Variants in MAST4 observed in about 807,000 individuals in gnomAD.
The protein encoded by MAST4 is microtubule associated serine/threonine kinase family member 4, also known as microtubule-associated serine/threonine-protein kinase 4.
MAST4 carries 89 observed loss-of-function variants against 162.7 expected under a neutral mutation model. The observed-to-expected ratio is 0.55, with a 90% CI of 0.46 to 0.65. MAST4 has a LOEUF of 0.65. Ranked by LOEUF, MAST4 falls within the 30% of genes least tolerant of loss-of-function variation. The probability of loss-of-function intolerance (pLI) is 0.00; values close to 1 mark genes in which losing one functional copy is unlikely to be tolerated. For synonymous variants in MAST4, 1,479 were observed against 1,361.1 expected, an observed-to-expected ratio of 1.09 and a Z score of -1.91; for missense variants, 3,153 against 3,374.0, an observed-to-expected ratio of 0.93 and a Z score of 1.62.
At chr5:66,869,196 A>C (rs921820257) in intron 3 of MAST4, among the ~76,000 whole-genome samples, 2 of 152,158 alleles carry the variant, frequency 1.3e-5, no homozygotes, top group African/African-American at 4.8e-5. Context: ...AACTTCTTTT[A>C]GGGGGAAAAA....
intron 1 of MAST4, among the ~76,000 whole-genome samples, chr5:66,689,658 C>T (rs149849505): frequency 3.8e-3 from 574 of 152,242 alleles, no homozygotes; most frequent in Admixed American, 6.2e-3. Flanking sequence ...GTCCAATGTA[C>T]GCTGGTTACC....
At chr5:66,711,218 C>G (rs1387258264) in intron 1 of MAST4, among the ~76,000 whole-genome samples, 1 of 152,138 alleles carries the variant, frequency 6.6e-6, no homozygotes, top group African/African-American at 2.4e-5. Context: ...TATTATTTAC[C>G]TATTGTGATT....
chr5:67,073,586 A>G (rs765534623), intron 5 of MAST4, among the ~76,000 whole-genome samples: 1 of 152,206 alleles, frequency 6.6e-6, no homozygotes, highest in African/African-American at 2.4e-5. Flanking sequence ...AACTCAGTAG[A>G]TACAATTAGC....
At chr5:66,829,628 G>A (rs933518353) in intron 3 of MAST4, among the ~76,000 whole-genome samples, 1 of 151,982 alleles carries the variant, frequency 6.6e-6, no homozygotes, top group Non-Finnish European at 1.5e-5. Context: ...ATAACTCTTT[G>A]TCCTGTATAT....
intron 4 of MAST4, among the ~76,000 whole-genome samples, chr5:67,047,043 G>A (rs1309339139): frequency 1.3e-5 from 2 of 152,158 alleles, no homozygotes; most frequent in Non-Finnish European, 2.9e-5. Context: ...TTTTGAGGCT[G>A]TACAAAAGAG....
chr5:66,982,795 C>T (rs1749026582), intron 4 of MAST4, among the ~76,000 whole-genome samples: 1 of 152,214 alleles, frequency 6.6e-6, no homozygotes, highest in South Asian at 2.1e-4. Context: ...TTTTCTCCCT[C>T]ATTAAAGTGC....
chr5:67,093,635 A>T (rs1193177612), intron 6 of MAST4: 2 of 465,676 alleles, frequency 4.3e-6, no homozygotes, highest in Non-Finnish European at 8.7e-6. Flanking sequence ...TTCTGGAGCA[A>T]GCAAATGTAA....
intron 3 of MAST4, among the ~76,000 whole-genome samples, chr5:66,840,534 T>A (rs1436111290): frequency 8.0e-6 from 1 of 125,494 alleles, no homozygotes; most frequent in Non-Finnish European, 1.7e-5. Context: ...TTACTTCCTG[T>A]AATAGACATG....
rs978268284 is a variant in MAST4 at position 66,596,518 on chromosome 5, G to T, written c.-138G>T. On this transcript the variant is annotated 5_prime_UTR_variant, in exon 1 of 29. It removes the in-frame stop codon of an upstream open reading frame in the 5' UTR. Transcript: ENST00000403625. ...CCTGCGGCCCCGTCACTGCCATGTAGTCGCTGGCGGGGCTCCCTGCAGCCC... is the reference window on the plus strand; with the variant it reads ...CCTGCGGCCCCGTCACTGCCATGTATTCGCTGGCGGGGCTCCCTGCAGCCC... 1 of 1,100,060 alleles carries T rather than the reference G, an allele frequency of 9.1e-7. No individual in the cohort carries two copies. Among genetic ancestry groups the T allele is most frequent in the African/African-American group, 1.6e-5 (1 of 61,236 alleles). The allele number at this position is 1,100,060 out of a possible 1,614,324, so 68.1% of individuals were successfully genotyped here.
At chr5:66,906,251 C>G (rs975779817) in intron 4 of MAST4, among the ~76,000 whole-genome samples, 1 of 152,164 alleles carries the variant, frequency 6.6e-6, no homozygotes, top group African/African-American at 2.4e-5. Context: ...TGAGGCATGT[C>G]TGACCCTCTC....
chr5:67,000,434 G>T (rs899911262), intron 4 of MAST4, among the ~76,000 whole-genome samples: 1 of 152,134 alleles, frequency 6.6e-6, no homozygotes, highest in African/African-American at 2.4e-5. Flanking sequence ...TGTTCTACGT[G>T]GACTGGAGAA....
Position 66,688,510 on chromosome 5 carries a change from G to C in MAST4, c.364-71199G>C, listed in dbSNP as rs182751135. On this transcript the variant is annotated intron_variant, in intron 1 of 28. Coordinates refer to ENST00000403625, the MANE Select transcript of MAST4 (RefSeq NM_001164664.2). ...AATTCTGCAGAAGTTGAACTAGAGG[G>C]GGTGACTGGGACCCTGACCTATGTT... is the stretch of plus-strand genomic sequence containing the variant. Among the ~76,000 whole-genome samples, 156 of 152,238 alleles carry C rather than the reference G, an allele frequency of 1.0e-3. 1 individual carries two copies. Among genetic ancestry groups the C allele is most frequent in the African/African-American group, 3.7e-3 (153 of 41,536 alleles).
At chr5:66,706,705 C>T (rs1478814249) in intron 1 of MAST4, among the ~76,000 whole-genome samples, 2 of 151,812 alleles carry the variant, frequency 1.3e-5, no homozygotes, top group Non-Finnish European at 2.9e-5. Flanking sequence ...TTCTCCATAC[C>T]TGGCTGTTTT....
chr5:66,979,140 T>C (rs940071808), intron 4 of MAST4, among the ~76,000 whole-genome samples: 4 of 152,186 alleles, frequency 2.6e-5, no homozygotes, highest in Admixed American at 6.5e-5. Flanking sequence ...GTTTCACTTT[T>C]AGCTATGGTT....
Position 66,624,655 on chromosome 5 carries a change from C to A in MAST4, c.363+27637C>A, listed in dbSNP as rs1313340249. Among the ~76,000 whole-genome samples the A allele has an allele frequency of 4.6e-5, 7 of 152,144 alleles. No individual in the cohort carries two copies. In the East Asian group the frequency reaches 1.2e-3, roughly 25 times the overall value. On this transcript the variant is annotated intron_variant, in intron 1 of 28. Transcript: ENST00000403625. ...CCTGACTTCAAATTATATTACAACG[C>A]TATAGTAATCACAACAGCATGGTAC...
intron 4 of MAST4, among the ~76,000 whole-genome samples, chr5:66,904,801 G>A (rs1280187879): frequency 1.3e-5 from 2 of 152,032 alleles, no homozygotes; most frequent in African/African-American, 4.8e-5. Context: ...CAGGAAGTAC[G>A]TGTGTAGATT....
At chr5:67,098,566 G>A (rs1487600929) in intron 7 of MAST4, among the ~76,000 whole-genome samples, 1 of 152,086 alleles carries the variant, frequency 6.6e-6, no homozygotes, top group African/African-American at 2.4e-5. Context: ...ATAAAAAGTA[G>A]AAACTTGTAT....
chr5:66,913,199 G>A (rs1432593035), intron 4 of MAST4, among the ~76,000 whole-genome samples: 2 of 152,058 alleles, frequency 1.3e-5, no homozygotes, highest in African/African-American at 2.4e-5. Context: ...GTATACGCTC[G>A]TGAAACCACC....
At chr5:66,760,994 C>T (rs761711820) in intron 2 of MAST4, among the ~76,000 whole-genome samples, 6 of 152,072 alleles carry the variant, frequency 3.9e-5, no homozygotes, top group Admixed American at 6.6e-5. Flanking sequence ...AACTGCTAAA[C>T]GGTTTTCTAA....
Sources: gnomAD v4.1 joint callset for allele counts (sites outside exome capture counted in the v4.1 genomes callset) on GRCh38, gnomAD v4.1.1 for gene constraint, MANE v1.5 for transcripts, NCBI Gene and HGNC (gene_info 2026-07-23, HGNC 2026-07-21) for gene names.